Variants in VTI1A observed in about 807,000 individuals in gnomAD.
The protein encoded by VTI1A is vesicle transport through interaction with t-SNAREs homolog 1A.
A neutral mutation model predicts 34.9 loss-of-function variants in VTI1A; 22 were observed. That is an observed-to-expected ratio of 0.63 (90% CI 0.45 to 0.90). The LOEUF is 0.90. VTI1A is among the 40% of genes least tolerant of loss of function. The probability of loss-of-function intolerance (pLI) is 0.00; values close to 1 mark genes in which losing one functional copy is unlikely to be tolerated. For missense variants in VTI1A, 268 were observed against 275.6 expected (o/e 0.97, Z 0.20); for synonymous variants, 87 against 97.3 (o/e 0.89, Z 0.62).
chr10:112,499,949 C>T (rs983101769), intron 3 of VTI1A, among the ~76,000 whole-genome samples: 1 of 152,194 alleles, frequency 6.6e-6, no homozygotes, highest in Admixed American at 6.5e-5. Flanking sequence ...CTTCTGTCTT[C>T]AGTCAAGTCC....
At chr10:112,574,591 T>C (rs1292191868) in intron 5 of VTI1A, among the ~76,000 whole-genome samples, 1 of 152,228 alleles carries the variant, frequency 6.6e-6, no homozygotes, top group East Asian at 1.9e-4. Context: ...TCTGAGCTTC[T>C]TTTTTTCTTA....
intron 5 of VTI1A, among the ~76,000 whole-genome samples, chr10:112,596,480 CTATT>C (rs986596463): frequency 2.0e-5 from 3 of 152,074 alleles, no homozygotes; most frequent in Non-Finnish European, 4.4e-5. Context: ...GTTTTTAAAA[CTATT>C]TAACTAATAT....
rs117254599 is a variant in VTI1A at position 112,648,766 on chromosome 10, A to G, written c.428-19452A>G. On this transcript the variant is annotated intron_variant, in intron 5 of 7. Transcript: ENST00000393077. Reference sequence around the variant, plus strand: ...CTAACTTTGTAATACAGTTTTCAAAATACAGCATTTTGCTTTCAGACAGAA... The same window carrying G: ...CTAACTTTGTAATACAGTTTTCAAAGTACAGCATTTTGCTTTCAGACAGAA... Among the ~76,000 whole-genome samples, 81 of 152,306 alleles carry G rather than the reference A, an allele frequency of 5.3e-4. No individual in the cohort carries two copies. The East Asian group carries it at 0.015, about 28-fold the overall frequency.
intron 5 of VTI1A, among the ~76,000 whole-genome samples, chr10:112,665,241 C>T (rs1847600418): frequency 6.6e-6 from 1 of 151,572 alleles, no homozygotes. Flanking sequence ...TTTAAAAAAT[C>T]CCCTCTAATT....
rs1350356577 is a variant in VTI1A at position 112,618,522 on chromosome 10, T to TAGAG, written c.428-49695_428-49694insGAGA. On this transcript the variant is annotated intron_variant, in intron 5 of 7. Transcript: ENST00000393077. ...ATATATATATATATATATATATATA[T>TAGAG]ATAGAGAGAGAGAGAGAGAGAGAGA... Among the ~76,000 whole-genome samples, 147 of 43,646 alleles carry TAGAG rather than the reference T, an allele frequency of 3.4e-3. 3 individuals carry two copies. The highest frequency in any genetic ancestry group is 0.017 in the East Asian group (17 of 980). 28.6% of individuals were successfully genotyped at this position (43,646 alleles called of 152,430 possible). A position where few individuals can be genotyped will look rare whatever the true frequency, so the allele number is the denominator to read the frequency against.
chr10:112,452,541 C>A (rs183021477), intron 1 of VTI1A, among the ~76,000 whole-genome samples: 291 of 143,996 alleles, frequency 2.0e-3, no homozygotes, highest in African/African-American at 7.1e-3. Flanking sequence ...GCACTCCAGC[C>A]TAGTGACACA....
At chr10:112,659,735 G>A (rs1206821682) in intron 5 of VTI1A, among the ~76,000 whole-genome samples, 3 of 152,158 alleles carry the variant, frequency 2.0e-5, no homozygotes, top group East Asian at 1.9e-4. Context: ...ACGCGCACGC[G>A]CGTGCATAGG....
At position 112,706,237 on chromosome 10, in the gene VTI1A, G is replaced by A. The variant is rs201048931; in HGVS notation, c.560+37239G>A. Among the ~76,000 whole-genome samples the A allele has an allele frequency of 5.9e-5, 9 of 152,286 alleles. No individual in the cohort carries two copies. In the East Asian group the frequency reaches 1.5e-3, roughly 26 times the overall value. ...GAACATGTCTTTTAGTTATTTCAAA[G>A]CCTTTCCAGCATCTTCTCAGAAAAC... On this transcript the variant is annotated intron_variant, in intron 7 of 7. Transcript: ENST00000393077.
chr10:112,631,443 G>A (rs1038170584), intron 5 of VTI1A, among the ~76,000 whole-genome samples: 3 of 152,080 alleles, frequency 2.0e-5, no homozygotes, highest in Non-Finnish European at 4.4e-5. Flanking sequence ...CTAACCCCTA[G>A]TAACACCAGT....
chr10:112,454,040 T>G (rs1847339430), intron 1 of VTI1A, among the ~76,000 whole-genome samples: 1 of 152,242 alleles, frequency 6.6e-6, no homozygotes, highest in African/African-American at 2.4e-5. Flanking sequence ...TGTAATTGCT[T>G]TATTTCAACA....
chr10:112,697,011 A>AT (rs1348746775), intron 7 of VTI1A, among the ~76,000 whole-genome samples: 5 of 151,984 alleles, frequency 3.3e-5, no homozygotes, highest in African/African-American at 7.3e-5. Flanking sequence ...GGAAGGCAAT[A>AT]TTTTTTTTCT....
chr10:112,841,159 C>T, the VTI1A span, among the ~76,000 whole-genome samples: 7 of 152,052 alleles, frequency 4.6e-5, no homozygotes, highest in African/African-American at 1.7e-4. Context: ...CAGGGCTTTC[C>T]TAGGGGATAC....
At chr10:112,854,346 AATTAAGAAACTTGATCAAGACCAC>A in the VTI1A span, among the ~76,000 whole-genome samples, 1 of 152,252 alleles carries the variant, frequency 6.6e-6, no homozygotes, top group Non-Finnish European at 1.5e-5. Context: ...GGCTTAGAAC[AATTAAGAAACTTGATCAAGACCAC>A]ACAATTATTA....
chr10:112,731,256 T>C (rs952504061), intron 7 of VTI1A, among the ~76,000 whole-genome samples: 7 of 152,128 alleles, frequency 4.6e-5, no homozygotes, highest in African/African-American at 7.2e-5. Flanking sequence ...AACCACCATG[T>C]AGTTTTGCAT....
At chr10:112,709,361 A>G (rs1849317689) in intron 7 of VTI1A, among the ~76,000 whole-genome samples, 1 of 152,102 alleles carries the variant, frequency 6.6e-6, no homozygotes, top group African/African-American at 2.4e-5. Context: ...CTGTCTTCAG[A>G]CAGAACTGCC....
At chr10:112,779,719 AT>A (rs1328632130) in intron 7 of VTI1A, among the ~76,000 whole-genome samples, 1 of 152,112 alleles carries the variant, frequency 6.6e-6, no homozygotes, top group Non-Finnish European at 1.5e-5. Context: ...CTCATTTTGT[AT>A]TTTCTTGTTT....
intron 7 of VTI1A, among the ~76,000 whole-genome samples, chr10:112,802,301 A>G (rs758669266): frequency 1.3e-5 from 2 of 152,190 alleles, no homozygotes; most frequent in Admixed American, 6.5e-5. Context: ...AATAATGTGA[A>G]GATGTCCAAG....
At chr10:112,503,165 G>A (rs1038666199) in intron 3 of VTI1A, among the ~76,000 whole-genome samples, 4 of 152,056 alleles carry the variant, frequency 2.6e-5, no homozygotes, top group African/African-American at 7.2e-5. Flanking sequence ...GTAGATTAAT[G>A]TTAACTCTAG....
chr10:112,775,292 G>C (rs975978328), intron 7 of VTI1A, among the ~76,000 whole-genome samples: 1 of 152,110 alleles, frequency 6.6e-6, no homozygotes, highest in Non-Finnish European at 1.5e-5. Flanking sequence ...GAGCCTCATC[G>C]ATCTCTTATA....
Sources: allele counts gnomAD v4.1 joint callset (sites outside exome capture counted in the v4.1 genomes callset), GRCh38; gene constraint gnomAD v4.1.1; transcripts MANE v1.5; gene names NCBI Gene and HGNC (gene_info 2026-07-23, HGNC 2026-07-21).